SCIN: variants seen among roughly 807,000 people sequenced by gnomAD.
SCIN encodes the protein scinderin.
Under a neutral mutation model 91.8 loss-of-function variants are expected in SCIN, and 91 were observed. That is an observed-to-expected ratio of 0.99 (90% CI 0.84 to 1.18). The LOEUF is 1.18. SCIN is among the 50% of genes most tolerant of loss of function. The pLI is 0.00. For missense variants in SCIN, 1,087 were observed against 863.9 expected (o/e 1.26, Z -3.24); for synonymous variants, 367 against 312.6 (o/e 1.17, Z -1.84).
intron 3 of SCIN, among the ~76,000 whole-genome samples, chr7:12,588,269 T>C (rs555177267): frequency 2.6e-4 from 39 of 152,328 alleles, no homozygotes; most frequent in African/African-American, 9.1e-4. Flanking sequence ...GCCTAGTGCG[T>C]GCCGAGTGAA....
At position 12,625,156 on chromosome 7, in the gene SCIN, T is replaced by G. The variant is rs1939955220; in HGVS notation, c.892+14T>G. On this transcript the variant is annotated intron_variant, in intron 6 of 15. Coordinates refer to ENST00000297029, the MANE Select transcript of SCIN (RefSeq NM_001112706.3). ...TCGTATGGAAAGGTAAAAAATTCCA[T>G]TGACGATGCTGTATTTCAGATTTAT... The G allele has an allele frequency of 6.2e-7, 1 of 1,603,210 alleles. No homozygotes were observed. Among genetic ancestry groups the G allele is most frequent in the Admixed American group, 1.7e-5 (1 of 58,694 alleles).
At chr7:12,594,961 A>G (rs983222878) in intron 3 of SCIN, among the ~76,000 whole-genome samples, 2 of 152,056 alleles carry the variant, frequency 1.3e-5, no homozygotes, top group African/African-American at 4.8e-5. Flanking sequence ...GTGGCCAACA[A>G]TGGGAGAATT....
intron 4 of SCIN, among the ~76,000 whole-genome samples, chr7:12,618,274 C>T (rs1783338554): frequency 6.6e-6 from 1 of 152,152 alleles, no homozygotes; most frequent in South Asian, 2.1e-4. Context: ...CTAGTGAGAA[C>T]TGTGTGGGAC....
At chr7:12,606,016 C>A (rs1783075001) in intron 4 of SCIN, among the ~76,000 whole-genome samples, 1 of 152,064 alleles carries the variant, frequency 6.6e-6, no homozygotes, top group African/African-American at 2.4e-5. Flanking sequence ...TATATATTCC[C>A]TTAAATAAGA....
At chr7:12,629,308 A>C in intron 9 of SCIN, 86 bp downstream of exon 9, 1 of 1,194,960 alleles carries the variant, frequency 8.4e-7, no homozygotes, top group Non-Finnish European at 1.2e-6. Context: ...ATGGGGTAGA[A>C]TAATCCTATA....
intron 3 of SCIN, among the ~76,000 whole-genome samples, chr7:12,592,083 C>T (rs1436461687): frequency 1.3e-5 from 2 of 152,108 alleles, no homozygotes; most frequent in Non-Finnish European, 2.9e-5. Context: ...TGAGGGAGGA[C>T]AGTCCATGTG....
intron 8 of SCIN, among the ~76,000 whole-genome samples, chr7:12,628,674 C>T (rs995086949): frequency 6.6e-6 from 1 of 151,774 alleles, no homozygotes; most frequent in Non-Finnish European, 1.5e-5. Flanking sequence ...TCAAGTTTTG[C>T]CTGGGAAAAT....
chr7:12,627,092 A>G (rs1303022952), intron 8 of SCIN, among the ~76,000 whole-genome samples: 1 of 22,254 alleles, frequency 4.5e-5, no homozygotes, highest in Non-Finnish European at 9.4e-5. Context: ...ATGTGTGTAT[A>G]CACACACACA....
intron 3 of SCIN, among the ~76,000 whole-genome samples, chr7:12,603,793 C>G (rs1783013578): frequency 6.6e-6 from 1 of 152,062 alleles, no homozygotes; most frequent in Non-Finnish European, 1.5e-5. Context: ...AGTTAAGTAT[C>G]AAATTTTCCC....
chr7:12,578,909 G>GTTTTTTTTTTT lies in SCIN; in HGVS notation c.354+696_354+706dup. ...TAAGGCAGCCTTCAGTATAGGACAG[G>GTTTTTTTTTTT]TTTTTTTTTTTTTTTGGCATCCTCC... On this transcript the variant is annotated intron_variant, in intron 2 of 15. Coordinates refer to ENST00000297029, the MANE Select transcript of SCIN (RefSeq NM_001112706.3). Among the ~76,000 whole-genome samples the GTTTTTTTTTTT allele has an allele frequency of 3.1e-3, 264 of 85,830 alleles. 34 individuals are homozygous for GTTTTTTTTTTT. Among genetic ancestry groups the GTTTTTTTTTTT allele is most frequent in the African/African-American group, 0.01 (199 of 19,400 alleles). The allele number at this position is 85,830 out of a possible 152,430, so 56.3% of individuals were successfully genotyped here. A position where few individuals can be genotyped will look rare whatever the true frequency, so the allele number is the denominator to read the frequency against.
At chr7:12,603,592 AATG>A (rs1396303683) in intron 3 of SCIN, among the ~76,000 whole-genome samples, 4 of 152,096 alleles carry the variant, frequency 2.6e-5, no homozygotes, top group Non-Finnish European at 5.9e-5. Flanking sequence ...AAACAATGTT[AATG>A]GAGGAGGTAA....
intron 10 of SCIN, among the ~76,000 whole-genome samples, chr7:12,639,051 G>A (rs1463344364): frequency 6.6e-6 from 1 of 152,156 alleles, no homozygotes; most frequent in Non-Finnish European, 1.5e-5. Context: ...ATCACTAGAT[G>A]GCAGTAGCTT....
At chr7:12,644,075 A>G in intron 11 of SCIN, 63 bp from the exon 12 acceptor site, 1 of 1,437,818 alleles carries the variant, frequency 7.0e-7, no homozygotes, top group Middle Eastern at 2.0e-4. Context: ...AGCTTCTGGG[A>G]CATGTTTATT....
intron 4 of SCIN, among the ~76,000 whole-genome samples, chr7:12,616,656 A>G (rs1783305133): frequency 1.3e-5 from 2 of 152,278 alleles, no homozygotes; most frequent in South Asian, 2.1e-4. Context: ...GAGCCAGAAT[A>G]TTATAGACAC....
chr7:12,636,281 A>C, intron 10 of SCIN, 146 bp downstream of exon 10: 1 of 616,914 alleles, frequency 1.6e-6, no homozygotes, highest in Non-Finnish European at 2.8e-6. Flanking sequence ...AAATATTCCT[A>C]CTCTCATTTC....
At chr7:12,624,953 A>T in intron 5 of SCIN, 57 bp from the exon 6 acceptor site, 1 of 1,517,202 alleles carries the variant, frequency 6.6e-7, no homozygotes, top group Non-Finnish European at 8.9e-7. Flanking sequence ...TAATCTAATT[A>T]TAGAACATCC....
At position 12,625,329 on chromosome 7, in the gene SCIN, T is replaced by TA. The variant is rs537621999; in HGVS notation, c.892+196dup. Among the ~76,000 whole-genome samples, 20 of 148,106 alleles carry TA rather than the reference T, an allele frequency of 1.4e-4. No individual in the cohort carries two copies. The East Asian group carries it at 1.8e-3, about 13-fold the overall frequency. On this transcript the variant is annotated intron_variant, in intron 6 of 15. Coordinates refer to ENST00000297029, the MANE Select transcript of SCIN (RefSeq NM_001112706.3). ...CATCATATACCAGGGATTATGGAGT[T>TA]AAAAAAAAAGCATTTGGGCAATATA...
At chr7:12,648,503 G>C (rs1236329537) in intron 13 of SCIN, among the ~76,000 whole-genome samples, 1 of 151,930 alleles carries the variant, frequency 6.6e-6, no homozygotes, top group Non-Finnish European at 1.5e-5. Context: ...CACCATGTTG[G>C]CCAGGCTGGT....
At chr7:12,587,309 C>T (rs11558846) in intron 3 of SCIN, among the ~76,000 whole-genome samples, 1 of 152,136 alleles carries the variant, frequency 6.6e-6, no homozygotes, top group Non-Finnish European at 1.5e-5. Flanking sequence ...TTCCATCCCT[C>T]AGGAGTAGGG....
Sources: allele counts gnomAD v4.1 joint callset (sites outside exome capture counted in the v4.1 genomes callset), GRCh38; gene constraint gnomAD v4.1.1; transcripts MANE v1.5; gene names NCBI Gene and HGNC (gene_info 2026-07-23, HGNC 2026-07-21).